Variants in AGBL4 observed in about 807,000 individuals in gnomAD.
The protein encoded by AGBL4 is cytosolic carboxypeptidase 6.
AGBL4 carries 58 observed loss-of-function variants against 66.4 expected under a neutral mutation model. The ratio of observed to expected loss-of-function variants is 0.87; its 90% confidence interval spans 0.71 to 1.09. The LOEUF is 1.09. Among genes scored for constraint, AGBL4 ranks in the 50% least tolerant of loss-of-function variants. The pLI is 0.00. For missense variants in AGBL4, 579 were observed against 631.0 expected (o/e 0.92, Z 0.88); for synonymous variants, 234 against 222.9 (o/e 1.05, Z -0.44).
intron 1 of AGBL4, among the ~76,000 whole-genome samples, chr1:49,861,239 A>G (rs999371928): frequency 2.6e-5 from 4 of 152,206 alleles, no homozygotes; most frequent in Non-Finnish European, 5.9e-5. Context: ...CTAGAGCTGA[A>G]CTAGGCCAGA....
At chr1:49,358,895 TAC>T (rs1644076196) in intron 3 of AGBL4, among the ~76,000 whole-genome samples, 2 of 152,250 alleles carry the variant, frequency 1.3e-5, no homozygotes, top group African/African-American at 4.8e-5. Flanking sequence ...TTTCAAAGCC[TAC>T]TACAGTTTAT....
intron 1 of AGBL4, among the ~76,000 whole-genome samples, chr1:49,885,371 A>C (rs2148153656): frequency 6.6e-6 from 1 of 152,076 alleles, no homozygotes; most frequent in Non-Finnish European, 1.5e-5. Context: ...ATGTTTGGAA[A>C]CTTTAGTCTC....
chr1:48,787,089 T>C (rs970971617), intron 6 of AGBL4, among the ~76,000 whole-genome samples: 1 of 152,112 alleles, frequency 6.6e-6, no homozygotes, highest in African/African-American at 2.4e-5. Flanking sequence ...TGTTGGGTAA[T>C]TTTCCCAAGG....
chr1:48,775,124 C>T (rs1433747588), intron 6 of AGBL4, among the ~76,000 whole-genome samples: 1 of 152,200 alleles, frequency 6.6e-6, no homozygotes, highest in African/African-American at 2.4e-5. Flanking sequence ...TGAATGGTTC[C>T]CTTTTCTAAA....
At chr1:49,754,999 C>A (rs996684980) in intron 2 of AGBL4, among the ~76,000 whole-genome samples, 3 of 152,174 alleles carry the variant, frequency 2.0e-5, no homozygotes, top group Non-Finnish European at 4.4e-5. Flanking sequence ...CCACACCATA[C>A]TGTAGATGGT....
intron 5 of AGBL4, among the ~76,000 whole-genome samples, chr1:48,954,757 C>A (rs1657295495): frequency 6.6e-6 from 1 of 152,124 alleles, no homozygotes; most frequent in African/African-American, 2.4e-5. Flanking sequence ...CCTTTCCTTG[C>A]CCCATTTCTT....
chr1:48,728,008 CCA>C, intron 6 of AGBL4: 1 of 1,611,866 alleles, frequency 6.2e-7, no homozygotes, highest in African/African-American at 1.3e-5. Context: ...TCAGTTTCAT[CCA>C]CAGTTTCTTG....
chr1:49,872,204 A>G (rs1275681989), intron 1 of AGBL4, among the ~76,000 whole-genome samples: 1 of 152,086 alleles, frequency 6.6e-6, no homozygotes, highest in African/African-American at 2.4e-5. Flanking sequence ...GTATACTCTC[A>G]TGAGCAAAAT....
intron 1 of AGBL4, among the ~76,000 whole-genome samples, chr1:49,950,892 C>G (rs912370049): frequency 6.6e-6 from 1 of 151,778 alleles, no homozygotes; most frequent in African/African-American, 2.4e-5. Context: ...AAATTGAATA[C>G]TATTTACCCT....
At chr1:49,749,255 AAT>A (rs1298428243) in intron 2 of AGBL4, among the ~76,000 whole-genome samples, 1 of 152,030 alleles carries the variant, frequency 6.6e-6, no homozygotes, top group Non-Finnish European at 1.5e-5. Context: ...CACAGTTTTA[AAT>A]AGGGAATCCT....
rs940129825 is a variant in AGBL4, at chr1:48,632,890, T to G, written c.951+1603A>C. On this transcript the variant is annotated intron_variant, in intron 9 of 13. Transcript: ENST00000371839. ...CTGAGAAAATCAGAAGCAGTTTCTC[T>G]CTGCAAGGAAAGCTGATCAGGATGA... Among the ~76,000 whole-genome samples, 14 of 152,344 alleles carry G rather than the reference T, an allele frequency of 9.2e-5. No individual in the cohort carries two copies. The South Asian group carries it at 1.2e-3, about 14-fold the overall frequency.
At chr1:48,826,850 A>G (rs1646436910) in intron 6 of AGBL4, among the ~76,000 whole-genome samples, 1 of 151,782 alleles carries the variant, frequency 6.6e-6, no homozygotes, top group Non-Finnish European at 1.5e-5. Context: ...TGTCCTTCCC[A>G]CCCTCATCTT....
chr1:48,569,971 A>G (rs895335208), intron 11 of AGBL4, among the ~76,000 whole-genome samples: 2 of 152,230 alleles, frequency 1.3e-5, no homozygotes, highest in African/African-American at 4.8e-5. Context: ...CGCACTTGCC[A>G]TCACCTTTGG....
intron 3 of AGBL4, among the ~76,000 whole-genome samples, chr1:49,631,990 C>T (rs1241484937): frequency 1.3e-5 from 2 of 152,258 alleles, no homozygotes; most frequent in South Asian, 4.1e-4. Context: ...GGCTATTAGT[C>T]AACTATGCTC....
intron 3 of AGBL4, among the ~76,000 whole-genome samples, chr1:49,651,617 G>A (rs936269793): frequency 3.3e-5 from 5 of 152,014 alleles, no homozygotes. Context: ...CTTATTCAGA[G>A]CCTTGGCCCC....
At chr1:48,863,971 G>A (rs192435619) in intron 6 of AGBL4, among the ~76,000 whole-genome samples, 9 of 151,964 alleles carry the variant, frequency 5.9e-5, no homozygotes, top group Middle Eastern at 3.4e-3. Flanking sequence ...TTAAAACCTC[G>A]CATATATCAA....
intron 8 of AGBL4, chr1:48,647,727 G>A (rs1029498499): frequency 1.1e-5 from 4 of 354,442 alleles, no homozygotes; most frequent in South Asian, 6.4e-5. Flanking sequence ...TGGGGTATAG[G>A]TGGGCGTGGG....
At chr1:49,632,227 T>C (rs1645583982) in intron 3 of AGBL4, among the ~76,000 whole-genome samples, 1 of 152,202 alleles carries the variant, frequency 6.6e-6, no homozygotes, top group African/African-American at 2.4e-5. Flanking sequence ...TCTGGGAATA[T>C]GGTGACATAA....
intron 3 of AGBL4, among the ~76,000 whole-genome samples, chr1:49,604,574 CA>C (rs1645029196): frequency 1.3e-5 from 2 of 152,130 alleles, no homozygotes; most frequent in Non-Finnish European, 2.9e-5. Flanking sequence ...TTTTTTAGTT[CA>C]ATTAGGTCCC....
Sources: allele counts gnomAD v4.1 joint callset (sites outside exome capture counted in the v4.1 genomes callset), GRCh38; gene constraint gnomAD v4.1.1; transcripts MANE v1.5; gene names NCBI Gene and HGNC (gene_info 2026-07-23, HGNC 2026-07-21).